The following NTN1 variants were observed in gnomAD, a reference collection of about 807,000 sequenced individuals.
NTN1 encodes netrin-1.
A neutral mutation model predicts 54.2 loss-of-function variants in NTN1; 11 were observed. That is an observed-to-expected ratio of 0.20 (90% CI 0.13 to 0.34). NTN1 has a LOEUF of 0.34. NTN1 is among the 10% of genes least tolerant of loss of function. NTN1 has a pLI of 1.00. For synonymous variants in NTN1, 371 were observed against 382.0 expected (o/e 0.97, Z 0.33); for missense variants, 740 against 893.1 (o/e 0.83, Z 2.18).
intron 2 of NTN1, among the ~76,000 whole-genome samples, chr17:9,053,021 A>G (rs188882534): frequency 3.8e-4 from 58 of 152,348 alleles, no homozygotes; most frequent in African/African-American, 1.4e-3. Context: ...CCCAAAGTTG[A>G]TTCTTTCCCA....
At chr17:9,189,821 A>G (rs1904404130) in intron 5 of NTN1, among the ~76,000 whole-genome samples, 2 of 152,216 alleles carry the variant, frequency 1.3e-5, no homozygotes, top group Non-Finnish European at 1.5e-5. Context: ...TGCCAGTTAA[A>G]GGGGTTCTGG....
intron 2 of NTN1, among the ~76,000 whole-genome samples, chr17:9,141,166 A>G (rs2092296498): frequency 6.6e-6 from 1 of 151,852 alleles, no homozygotes; most frequent in South Asian, 2.1e-4. Context: ...TGGGGACTAG[A>G]GATATATATT....
chr17:9,157,904 G>A lies in NTN1; in HGVS notation c.1019-4909G>A, dbSNP rs576923149. Among the ~76,000 whole-genome samples, 113 of 152,308 alleles carry A rather than the reference G, an allele frequency of 7.4e-4. 1 individual carries two copies. Among genetic ancestry groups the A allele is most frequent in the African/African-American group, 2.6e-3 (108 of 41,568 alleles). On this transcript the variant is annotated intron_variant, in intron 2 of 6. Transcript: ENST00000173229. ...TAATACCCAATATTTTTGCCTCCAA[G>A]AGATGCAGGAGATAAACAGGAAGGC...
chr17:9,105,215 G>A lies in NTN1; in HGVS notation c.1019-57598G>A, dbSNP rs115124488. On this transcript the variant is annotated intron_variant, in intron 2 of 6. Transcript: ENST00000173229. ...CCCAGGAAGACACCACACCTGGGCC[G>A]GATTTCCAGGGCCAGCCCCCTTGGG... is the stretch of plus-strand genomic sequence containing the variant. 3.4e-3 allele frequency among the ~76,000 whole-genome samples: 524 copies of A among 152,326 alleles called. 8 individuals carry two copies. Among genetic ancestry groups the A allele is most frequent in the African/African-American group, 0.012 (490 of 41,584 alleles).
chr17:9,177,892 C>T (rs2092405170), intron 3 of NTN1: 1 of 152,216 alleles, frequency 6.6e-6, no homozygotes, highest in African/African-American at 2.4e-5. Flanking sequence ...AGACAATTTC[C>T]TAACAAAAGG....
intron 2 of NTN1, among the ~76,000 whole-genome samples, chr17:9,056,792 G>A (rs1037524719): frequency 6.6e-6 from 1 of 152,194 alleles, no homozygotes; most frequent in African/African-American, 2.4e-5. Flanking sequence ...TCTGCTCAGA[G>A]TCCAGAAGCA....
chr17:9,208,958 C>T (rs559743864), intron 5 of NTN1, among the ~76,000 whole-genome samples: 3 of 152,316 alleles, frequency 2.0e-5, no homozygotes, highest in African/African-American at 7.2e-5. Flanking sequence ...CTCAAGAGGC[C>T]CCAGGATCTG....
Position 9,047,054 on chromosome 17 carries a change from A to G in NTN1, c.1018+23663A>G, listed in dbSNP as rs539270683. Among the ~76,000 whole-genome samples, 3 of 152,354 alleles carry G rather than the reference A, an allele frequency of 2.0e-5. No homozygotes were observed. The South Asian group carries it at 6.2e-4, about 32-fold the overall frequency. ...GTAGCATTATATCTGAAACATATACATATCTTAATTTTAAAATACTTTATT... is the reference window on the plus strand; with the variant it reads ...GTAGCATTATATCTGAAACATATACGTATCTTAATTTTAAAATACTTTATT... On this transcript the variant is annotated intron_variant, in intron 2 of 6. Transcript: ENST00000173229.
At chr17:9,164,956 T>C (rs1226651411) in intron 3 of NTN1, among the ~76,000 whole-genome samples, 2 of 152,250 alleles carry the variant, frequency 1.3e-5, no homozygotes, top group Non-Finnish European at 2.9e-5. Context: ...CCAGAGAACA[T>C]AGTTGGAAGG....
In NTN1 at chr17:9,243,903, GT is replaced by G. The variant is rs1906322580; in HGVS notation, c.*3937del. On this transcript the variant is annotated 3_prime_UTR_variant, in exon 7 of 7. Transcript: ENST00000173229. Reference sequence around the variant, plus strand: ...CCTTTTTTTTGGGGGGGGGTGGGGGGTTGGTTAGAGTTGTAATGGACCCAGA... The same window carrying G: ...CCTTTTTTTTGGGGGGGGGTGGGGGGTGGTTAGAGTTGTAATGGACCCAGA... 6.8e-6 allele frequency: 1 copy of G among 147,434 alleles called. No homozygotes were observed. Among genetic ancestry groups the G allele is most frequent in the South Asian group, 2.2e-4 (1 of 4,562 alleles). The allele number at this position is 147,434 out of a possible 1,614,324, so 9.1% of individuals were successfully genotyped here. A position where few individuals can be genotyped will look rare whatever the true frequency, so the allele number is the denominator to read the frequency against.
chr17:9,033,718 G>C (rs1029802609), intron 2 of NTN1, among the ~76,000 whole-genome samples: 1 of 152,200 alleles, frequency 6.6e-6, no homozygotes, highest in Non-Finnish European at 1.5e-5. Flanking sequence ...GGGAGTTCGA[G>C]ACCAGCCAGA....
intron 2 of NTN1, among the ~76,000 whole-genome samples, chr17:9,133,705 A>G (rs2142272785): frequency 6.8e-6 from 1 of 146,182 alleles, no homozygotes. Flanking sequence ...CTCCTGCCTC[A>G]GCCTCTTGAG....
Position 9,134,731 on chromosome 17 carries a change from C to T in NTN1, c.1019-28082C>T, listed in dbSNP as rs546008629. The stretch of plus-strand genomic sequence containing the variant: ...TTGCCCTGTGGGACCCTTCTAGGTG[C>T]GAAGTGAACATGCAGAGACAGTCAG... On this transcript the variant is annotated intron_variant, in intron 2 of 6. Transcript: ENST00000173229. Among the ~76,000 whole-genome samples the T allele has an allele frequency of 3.2e-4, 48 of 152,220 alleles. 1 individual carries two copies. The highest frequency in any genetic ancestry group is 4.2e-4 in the South Asian group (2 of 4,814).
intron 2 of NTN1, among the ~76,000 whole-genome samples, chr17:9,145,351 A>G (rs992026596): frequency 6.6e-6 from 1 of 152,168 alleles, no homozygotes; most frequent in Admixed American, 6.5e-5. Flanking sequence ...ACCTGAGGGG[A>G]ACTAATGTCA....
intron 2 of NTN1, among the ~76,000 whole-genome samples, chr17:9,098,935 A>G (rs75533528): frequency 0.011 from 1,650 of 152,338 alleles, 30 homozygotes; most frequent in African/African-American, 0.037. Flanking sequence ...TAGGGAACAC[A>G]CTGGTAACAT....
chr17:9,169,810 A>C (rs934852739), intron 3 of NTN1, among the ~76,000 whole-genome samples: 1 of 152,220 alleles, frequency 6.6e-6, no homozygotes, highest in Admixed American at 6.5e-5. Flanking sequence ...GGTTACAGTG[A>C]GCCGAGATCG....
At chr17:9,070,069 C>CT (rs2092027585) in intron 2 of NTN1, among the ~76,000 whole-genome samples, 1 of 152,106 alleles carries the variant, frequency 6.6e-6, no homozygotes, top group African/African-American at 2.4e-5. Context: ...GTTGTGTAGA[C>CT]TAGTGGACTA....
intron 2 of NTN1, among the ~76,000 whole-genome samples, chr17:9,097,596 G>T (rs919264899): frequency 2.0e-5 from 3 of 152,072 alleles, no homozygotes; most frequent in African/African-American, 2.4e-5. Flanking sequence ...CTGTACTCTA[G>T]CCTGGGCAAC....
At chr17:9,205,562 G>A (rs186335217) in intron 5 of NTN1, among the ~76,000 whole-genome samples, 2 of 152,404 alleles carry the variant, frequency 1.3e-5, no homozygotes, top group South Asian at 2.1e-4. Context: ...GTTCGAGGCT[G>A]CAGTGAGCTG....
Sources: allele counts gnomAD v4.1 joint callset (sites outside exome capture counted in the v4.1 genomes callset), GRCh38; gene constraint gnomAD v4.1.1; transcripts MANE v1.5; gene names NCBI Gene and HGNC (gene_info 2026-07-23, HGNC 2026-07-21).